PTPRK: variants seen among roughly 807,000 people sequenced by gnomAD.
The protein encoded by PTPRK is receptor-type tyrosine-protein phosphatase kappa.
A neutral mutation model predicts 178.0 loss-of-function variants in PTPRK; 75 were observed. The observed-to-expected ratio is 0.42, with a 90% CI of 0.35 to 0.51. The LOEUF is 0.51. Ranked by LOEUF, PTPRK falls within the 20% of genes least tolerant of loss-of-function variation. PTPRK has a pLI of 0.02. For synonymous variants in PTPRK, 637 were observed against 620.6 expected (o/e 1.03, Z -0.39); for missense variants, 1,441 against 1,797.8 (o/e 0.80, Z 3.59).
chr6:128,258,810 T>G (rs1817734340), intron 3 of PTPRK, among the ~76,000 whole-genome samples: 1 of 152,164 alleles, frequency 6.6e-6, no homozygotes, highest in African/African-American at 2.4e-5. Flanking sequence ...GCGGAGGGAA[T>G]GACAGGCACA....
At position 128,083,753 on chromosome 6, in the gene PTPRK, C is replaced by T; in HGVS notation, c.1537G>A (p.Glu513Lys). The change falls in exon 9 of 30, where the codon GAA (glutamate) becomes AAA (lysine). Residue 513 changes from glutamate to lysine, a missense_variant. By Grantham distance (56) the Glu-to-Lys change is moderately conservative. Coordinates refer to ENST00000368226, the MANE Select transcript of PTPRK (RefSeq NM_002844.4). ...FENKIFLNWK[E>K]PLDPNGIITQ... ...ATGATTCCATTTGGATCCAAAGGTT[C>T]TTTCCAGTTCAAGAAGATCTTATTT... The T allele has an allele frequency of 6.2e-7, 1 of 1,606,218 alleles. No individual in the cohort carries two copies. Among genetic ancestry groups the T allele is most frequent in the Non-Finnish European group, 8.5e-7 (1 of 1,175,322 alleles).
intron 5 of PTPRK, among the ~76,000 whole-genome samples, chr6:128,227,498 T>C (rs946831233): frequency 5.3e-5 from 8 of 152,298 alleles, no homozygotes; most frequent in Non-Finnish European, 8.8e-5. Context: ...TTTTAAAACA[T>C]AACTCAAAGC....
chr6:128,468,230 A>T (rs1028415171), intron 1 of PTPRK, among the ~76,000 whole-genome samples: 2 of 152,218 alleles, frequency 1.3e-5, no homozygotes, highest in African/African-American at 4.8e-5. Context: ...TTGAGCCACC[A>T]GTACAAACGA....
intron 15 of PTPRK, among the ~76,000 whole-genome samples, chr6:128,004,709 G>T (rs1241928961): frequency 6.6e-6 from 1 of 151,766 alleles, no homozygotes. Flanking sequence ...TCGCAAAAGA[G>T]ACTTTCATCT....
At chr6:128,501,658 G>C (rs749345706) in intron 1 of PTPRK, among the ~76,000 whole-genome samples, 1 of 152,110 alleles carries the variant, frequency 6.6e-6, no homozygotes, top group Admixed American at 6.6e-5. Flanking sequence ...AATATTATAA[G>C]AGCATATGTT....
intron 3 of PTPRK, among the ~76,000 whole-genome samples, chr6:128,297,284 T>C (rs1444975865): frequency 6.6e-6 from 1 of 152,126 alleles, no homozygotes; most frequent in Admixed American, 6.5e-5. Context: ...TGGGAGACTT[T>C]AACACCCCAC....
chr6:128,244,140 AC>A (rs749238381), intron 3 of PTPRK, among the ~76,000 whole-genome samples: 29 of 152,212 alleles, frequency 1.9e-4, no homozygotes, highest in African/African-American at 4.8e-4. Flanking sequence ...AGAAAAGGAA[AC>A]AAATTGAGGG....
At chr6:128,087,303 C>T (rs922521772) in intron 8 of PTPRK, among the ~76,000 whole-genome samples, 2 of 151,978 alleles carry the variant, frequency 1.3e-5, no homozygotes, top group Non-Finnish European at 2.9e-5. Context: ...CTGAGTCTAC[C>T]ATTACCAATT....
chr6:128,396,113 C>A (rs1455533641), intron 2 of PTPRK, among the ~76,000 whole-genome samples: 1 of 151,588 alleles, frequency 6.6e-6, no homozygotes, highest in Non-Finnish European at 1.5e-5. Flanking sequence ...ATAGAATTTT[C>A]TCTCTTCAAT....
intron 14 of PTPRK, among the ~76,000 whole-genome samples, chr6:128,008,738 G>A (rs372708377): frequency 6.6e-6 from 1 of 151,014 alleles, no homozygotes; most frequent in East Asian, 1.9e-4. Context: ...TAGCCAAGAA[G>A]TAGAAAAATA....
intron 1 of PTPRK, among the ~76,000 whole-genome samples, chr6:128,398,887 G>T (rs1465870343): frequency 1.3e-5 from 2 of 152,134 alleles, no homozygotes; most frequent in East Asian, 3.8e-4. Context: ...AGGGGTAATT[G>T]TATTGCAAAA....
chr6:128,187,502 A>G (rs1802980524), intron 6 of PTPRK, among the ~76,000 whole-genome samples: 1 of 151,724 alleles, frequency 6.6e-6, no homozygotes, highest in South Asian at 2.1e-4. Flanking sequence ...TGAAGACTCA[A>G]CTCCTACATA....
At chr6:127,981,359 G>C in intron 24 of PTPRK, 70 bp from the exon 25 acceptor site, 1 of 1,369,924 alleles carries the variant, frequency 7.3e-7, no homozygotes, top group Non-Finnish European at 1.0e-6. Flanking sequence ...AGATCCATCA[G>C]GAATTTAGAA....
intron 3 of PTPRK, among the ~76,000 whole-genome samples, chr6:128,286,421 CTGTT>C (rs1034746650): frequency 6.6e-5 from 10 of 151,900 alleles, no homozygotes; most frequent in African/African-American, 2.4e-4. Context: ...ACATTTTTTT[CTGTT>C]TGTGTTTCAT....
intron 25 of PTPRK, 130 bp from the exon 26 acceptor site, chr6:127,977,184 G>C: frequency 1.1e-6 from 1 of 871,400 alleles, no homozygotes. Flanking sequence ...AGGAGCCAGA[G>C]TGATGATTAA....
At chr6:128,153,829 CA>C (rs1481251835) in intron 7 of PTPRK, among the ~76,000 whole-genome samples, 1 of 151,366 alleles carries the variant, frequency 6.6e-6, no homozygotes, top group African/African-American at 2.4e-5. Flanking sequence ...TTTCCCAAGA[CA>C]AAATGGTCTT....
chr6:128,039,333 A>G (rs953967610), intron 13 of PTPRK, among the ~76,000 whole-genome samples: 6 of 152,200 alleles, frequency 3.9e-5, no homozygotes, highest in Admixed American at 6.6e-5. Flanking sequence ...TAGGATAACA[A>G]TTTAAAAAAC....
chr6:127,982,530 T>A (rs1775472623), intron 24 of PTPRK, among the ~76,000 whole-genome samples: 1 of 152,186 alleles, frequency 6.6e-6, no homozygotes, highest in Admixed American at 6.5e-5. Context: ...CGCCTCGGCC[T>A]CCCAAAGTGC....
intron 6 of PTPRK, among the ~76,000 whole-genome samples, chr6:128,191,891 TGAG>T (rs147252047): frequency 0.028 from 4,338 of 152,238 alleles, 112 homozygotes; most frequent in Non-Finnish European, 0.047. Context: ...AGCAGAATTT[TGAG>T]GAGGAGAGTG....
Sources: allele counts gnomAD v4.1 joint callset (sites outside exome capture counted in the v4.1 genomes callset), GRCh38; gene constraint gnomAD v4.1.1; transcripts MANE v1.5; gene names NCBI Gene and HGNC (gene_info 2026-07-23, HGNC 2026-07-21).